GRM8: variants seen among roughly 807,000 people sequenced by gnomAD.
The protein encoded by GRM8 is glutamate metabotropic receptor 8, also known as metabotropic glutamate receptor 8.
GRM8 carries 47 observed loss-of-function variants against 87.2 expected under a neutral mutation model. The ratio of observed to expected loss-of-function variants is 0.54; its 90% CI spans 0.43 to 0.69. The LOEUF (loss-of-function observed/expected upper bound fraction) is 0.69. Among genes scored for constraint, GRM8 ranks in the 30% least tolerant of loss-of-function variants. GRM8 has a pLI of 0.00. For synonymous variants in GRM8, 396 were observed against 404.5 expected (o/e 0.98, Z 0.25); for missense variants, 1,019 against 1,139.2 (o/e 0.89, Z 1.52).
At chr7:126,883,355 G>T (rs181303976) in intron 6 of GRM8, among the ~76,000 whole-genome samples, 1 of 152,006 alleles carries the variant, frequency 6.6e-6, no homozygotes, top group Non-Finnish European at 1.5e-5. Flanking sequence ...CAAATAAAAC[G>T]ACATGCATAA....
intron 3 of GRM8, among the ~76,000 whole-genome samples, chr7:127,008,331 T>C (rs966885702): frequency 3.9e-5 from 6 of 152,074 alleles, no homozygotes; most frequent in Non-Finnish European, 7.4e-5. Flanking sequence ...ATTCAAATAA[T>C]GAGCTTCCTT....
At chr7:126,476,328 G>T (rs536585134) in intron 9 of GRM8, among the ~76,000 whole-genome samples, 27 of 152,238 alleles carry the variant, frequency 1.8e-4, no homozygotes, top group African/African-American at 6.5e-4. Context: ...GAGGTAGGCG[G>T]GTTACTTGAG....
At chr7:126,848,021 C>A (rs1163081217) in intron 6 of GRM8, among the ~76,000 whole-genome samples, 3 of 152,116 alleles carry the variant, frequency 2.0e-5, no homozygotes, top group Non-Finnish European at 4.4e-5. Context: ...GAGGTTATTG[C>A]AATTGTCAAG....
At chr7:127,203,441 C>T (rs1442749973) in intron 2 of GRM8, among the ~76,000 whole-genome samples, 1 of 152,204 alleles carries the variant, frequency 6.6e-6, no homozygotes, top group Non-Finnish European at 1.5e-5. Flanking sequence ...GGCGTAGTGG[C>T]TCAGGCCTGT....
chr7:126,972,659 T>A lies in GRM8; in HGVS notation c.728-67976A>T, dbSNP rs146134067. Among the ~76,000 whole-genome samples the A allele has an allele frequency of 4.6e-5, 7 of 152,352 alleles. No homozygotes were observed. In the East Asian group the frequency reaches 1.3e-3, roughly 29 times the overall value. ...AAGGAAGGATATTGTCAGTTCATCCTTTCCTCTTAGGAACAAAGATGCCGT... is the reference window on the plus strand; with the variant it reads ...AAGGAAGGATATTGTCAGTTCATCCATTCCTCTTAGGAACAAAGATGCCGT... On this transcript the variant is annotated intron_variant, in intron 3 of 10. Coordinates refer to ENST00000339582, the MANE Select transcript of GRM8 (RefSeq NM_000845.3).
intron 8 of GRM8, among the ~76,000 whole-genome samples, chr7:126,608,093 A>G (rs1798543908): frequency 6.6e-6 from 1 of 151,826 alleles, no homozygotes; most frequent in African/African-American, 2.4e-5. Flanking sequence ...ATGTGAAATA[A>G]TTCTTCACCT....
At chr7:126,897,259 T>C (rs1326873579) in intron 6 of GRM8, among the ~76,000 whole-genome samples, 1 of 152,086 alleles carries the variant, frequency 6.6e-6, no homozygotes, top group Non-Finnish European at 1.5e-5. Flanking sequence ...GGGTCCTCAC[T>C]ATAGAAGACA....
At chr7:126,468,767 AT>A (rs1804809496) in intron 9 of GRM8, among the ~76,000 whole-genome samples, 1 of 152,106 alleles carries the variant, frequency 6.6e-6, no homozygotes, top group Non-Finnish European at 1.5e-5. Context: ...AAGTTAGCTT[AT>A]TGTCAATTAG....
intron 3 of GRM8, among the ~76,000 whole-genome samples, chr7:126,946,696 G>C (rs1807576220): frequency 6.6e-6 from 1 of 152,136 alleles, no homozygotes; most frequent in Admixed American, 6.5e-5. Flanking sequence ...AGTGACTACA[G>C]ACCCAAACTG....
At chr7:127,084,508 T>C (rs1393524995) in intron 3 of GRM8, 1 of 152,202 alleles carries the variant, frequency 6.6e-6, no homozygotes, top group African/African-American at 2.4e-5. Context: ...GCACCTTCAT[T>C]ATAGATTAAT....
intron 7 of GRM8, among the ~76,000 whole-genome samples, chr7:126,694,540 T>C (rs1365149087): frequency 6.6e-6 from 1 of 152,202 alleles, no homozygotes; most frequent in African/African-American, 2.4e-5. Context: ...CTTACTCAAT[T>C]TTTTTCTTCT....
chr7:127,132,554 A>C (rs1357985649), intron 2 of GRM8, among the ~76,000 whole-genome samples: 3 of 152,110 alleles, frequency 2.0e-5, no homozygotes, highest in African/African-American at 7.2e-5. Flanking sequence ...ACAGGAGCTA[A>C]TGAAAGCGGT....
At chr7:126,716,387 C>T (rs1322654789) in intron 7 of GRM8, among the ~76,000 whole-genome samples, 1 of 146,610 alleles carries the variant, frequency 6.8e-6, no homozygotes, top group East Asian at 2.0e-4. Flanking sequence ...TATTTCTCTA[C>T]AGAAAAAAAA....
chr7:126,538,146 G>T (rs1816061952), intron 8 of GRM8, among the ~76,000 whole-genome samples: 1 of 152,178 alleles, frequency 6.6e-6, no homozygotes, highest in Admixed American at 6.5e-5. Flanking sequence ...TTCAGAAAAT[G>T]TAAGTCATCA....
At chr7:126,863,468 C>T (rs564004342) in intron 6 of GRM8, among the ~76,000 whole-genome samples, 14 of 152,170 alleles carry the variant, frequency 9.2e-5, no homozygotes, top group Non-Finnish European at 1.3e-4. Flanking sequence ...CAGTAATTTA[C>T]GAATGAAGCA....
intron 3 of GRM8, among the ~76,000 whole-genome samples, chr7:127,090,707 C>T (rs570743796): frequency 7.1e-6 from 1 of 140,320 alleles, no homozygotes; most frequent in South Asian, 2.2e-4. Flanking sequence ...CATGTGCCCT[C>T]CGGTTGCGGC....
intron 7 of GRM8, among the ~76,000 whole-genome samples, chr7:126,629,319 C>T (rs6467094): frequency 0.016 from 2,370 of 152,152 alleles, 47 homozygotes; most frequent in African/African-American, 0.042. Flanking sequence ...CATTTTTAAG[C>T]CAAAAAGCTT....
At position 126,599,140 on chromosome 7, in the gene GRM8, C is replaced by A. The variant is rs545113397; in HGVS notation, c.1494+10222G>T. Among the ~76,000 whole-genome samples, 5 of 152,202 alleles carry A rather than the reference C, an allele frequency of 3.3e-5. No homozygotes were observed. In the South Asian group the frequency reaches 1.0e-3, roughly 31 times the overall value. On this transcript the variant is annotated intron_variant, in intron 8 of 10. Coordinates refer to ENST00000339582, the MANE Select transcript of GRM8 (RefSeq NM_000845.3). ...GCCGTCTTCAGTATTTGTAGGTCTG[C>A]AAATGGCATGGGCAAGAATAAAAGC...
At chr7:127,024,093 T>C (rs1816541188) in intron 3 of GRM8, among the ~76,000 whole-genome samples, 1 of 152,102 alleles carries the variant, frequency 6.6e-6, no homozygotes. Context: ...TAGTCAAATA[T>C]GGAACTGGTT....
Sources: gnomAD v4.1 joint callset for allele counts (sites outside exome capture counted in the v4.1 genomes callset) on GRCh38, gnomAD v4.1.1 for gene constraint, MANE v1.5 for transcripts, NCBI Gene and HGNC (gene_info 2026-07-23, HGNC 2026-07-21) for gene names.